DENND4C: variants seen among roughly 807,000 people sequenced by gnomAD.
DENND4C encodes the protein DENN domain-containing protein 4C.
A neutral mutation model predicts 203.0 loss-of-function variants in DENND4C; 108 were observed. That is an observed-to-expected ratio of 0.53 (90% CI 0.46 to 0.62). The LOEUF (loss-of-function observed/expected upper bound fraction) is 0.62. Among genes scored for constraint, DENND4C ranks in the 20% least tolerant of loss-of-function variants. The probability of loss-of-function intolerance (pLI) is 0.00; values close to 1 mark genes in which losing one functional copy is unlikely to be tolerated. For synonymous variants in DENND4C, 871 were observed against 792.4 expected, an observed-to-expected ratio of 1.10 and a Z score of -1.67; for missense variants, 2,481 against 2,301.2, an observed-to-expected ratio of 1.08 and a Z score of -1.60.
intron 19 of DENND4C, 68 bp from the exon 20 acceptor site, chr9:19,336,618 T>G (rs1820532772): frequency 6.8e-7 from 1 of 1,478,112 alleles, no homozygotes; most frequent in Non-Finnish European, 9.0e-7. Flanking sequence ...GAACTGTGGG[T>G]CAATCATGTT....
At chr9:19,341,347 C>G (rs1426840121) in intron 21 of DENND4C, among the ~76,000 whole-genome samples, 4 of 139,182 alleles carry the variant, frequency 2.9e-5, no homozygotes, top group Non-Finnish European at 4.5e-5. Flanking sequence ...GGGTCTTGCT[C>G]TCTCGCCCAG....
In DENND4C at chr9:19,276,296, C is replaced by T; in HGVS notation, c.122C>T (p.Ala41Val). 8.1e-7 allele frequency: 1 copy of T among 1,231,908 alleles called. No homozygotes were observed. The allele number at this position is 1,231,908 out of a possible 1,614,324, so 76.3% of individuals were successfully genotyped here. The change falls in exon 2 of 33, where the codon GCT becomes GTT. Residue 41 changes from alanine to valine, a missense_variant. Coordinates refer to ENST00000434457, the MANE Select transcript of DENND4C (RefSeq NM_001330640.2). ...RLDTKSTGPK[A>V]PITDIAIIIK... The stretch of plus-strand genomic sequence containing the variant: ...GATACTAAGTCAACTGGACCTAAAG[C>T]TCCAATTACAGACATTGCCATTATT...
At position 19,292,844 on chromosome 9, in the gene DENND4C, C is replaced by A. The variant is rs530363514; in HGVS notation, c.801+1968C>A. Among the ~76,000 whole-genome samples the A allele has an allele frequency of 2.0e-5, 3 of 152,112 alleles. No individual in the cohort carries two copies. The East Asian group carries it at 5.8e-4, about 29-fold the overall frequency. On this transcript the variant is annotated intron_variant, in intron 5 of 32. Transcript: ENST00000434457. The stretch of plus-strand genomic sequence containing the variant: ...TACAGGTGTCAGCCAATGCGCCCAG[C>A]AAAAATTGAAAACTTTCTAAGGAAA...
chr9:19,320,309 C>A (rs1181414100), intron 12 of DENND4C, among the ~76,000 whole-genome samples: 2 of 152,014 alleles, frequency 1.3e-5, no homozygotes, highest in African/African-American at 4.8e-5. Context: ...AGTGATTCTC[C>A]CGCCTCAGCC....
At chr9:19,250,248 G>A (rs1436890285) in intron 1 of DENND4C, among the ~76,000 whole-genome samples, 1 of 152,054 alleles carries the variant, frequency 6.6e-6, no homozygotes, top group Non-Finnish European at 1.5e-5. Context: ...TTCAGGACCA[G>A]CCTGACCAAT....
chr9:19,236,625 G>C (rs997293753), intron 1 of DENND4C, among the ~76,000 whole-genome samples: 4 of 152,172 alleles, frequency 2.6e-5, no homozygotes, highest in African/African-American at 9.7e-5. Context: ...TGAGACCGCA[G>C]GTTCATCATC....
chr9:19,301,015 C>T (rs1467631323), intron 9 of DENND4C, among the ~76,000 whole-genome samples: 1 of 152,002 alleles, frequency 6.6e-6, no homozygotes, highest in Non-Finnish European at 1.5e-5. Flanking sequence ...CCCTGCTCTA[C>T]TAAAAACACA....
chr9:19,312,290 A>G (rs1036526651), intron 10 of DENND4C, among the ~76,000 whole-genome samples: 1 of 151,950 alleles, frequency 6.6e-6, no homozygotes, highest in African/African-American at 2.4e-5. Context: ...TTTTGTAGAG[A>G]TGGGGTTTCA....
At chr9:19,250,717 AG>A (rs1325471833) in intron 1 of DENND4C, among the ~76,000 whole-genome samples, 1 of 152,212 alleles carries the variant, frequency 6.6e-6, no homozygotes, top group East Asian at 1.9e-4. Context: ...GCCAAAATGA[AG>A]GGGCTACAGG....
intron 22 of DENND4C, among the ~76,000 whole-genome samples, chr9:19,345,071 G>A (rs1354429390): frequency 6.6e-6 from 1 of 152,184 alleles, no homozygotes; most frequent in Non-Finnish European, 1.5e-5. Flanking sequence ...TGAGGGTTAG[G>A]ATTTTAGCAT....
rs76734367 is a variant in DENND4C, at chr9:19,341,301, T to G, written c.3004+187T>G. ...TGAAGTTTTAAAATTTAAGAGAACT[T>G]TCTTTCTTTCTTTTTTTTTTTTTTT... On this transcript the variant is annotated intron_variant, in intron 21 of 32. Coordinates refer to ENST00000434457, the MANE Select transcript of DENND4C (RefSeq NM_001330640.2). Among the ~76,000 whole-genome samples the G allele has an allele frequency of 2.1e-5, 3 of 145,384 alleles. No individual in the cohort carries two copies. In the Admixed American group the frequency reaches 2.1e-4, roughly 10 times the overall value.
At chr9:19,370,289 C>G (rs1165427125) in intron 31 of DENND4C, among the ~76,000 whole-genome samples, 1 of 151,952 alleles carries the variant, frequency 6.6e-6, no homozygotes, top group Non-Finnish European at 1.5e-5. Flanking sequence ...TAGCAAGACC[C>G]CATCTCTACA....
intron 10 of DENND4C, among the ~76,000 whole-genome samples, chr9:19,307,036 G>A (rs1839822359): frequency 6.6e-6 from 1 of 151,960 alleles, no homozygotes; most frequent in Non-Finnish European, 1.5e-5. Flanking sequence ...CACCCACCTT[G>A]GCCTCCCAAA....
At chr9:19,289,548 G>T (rs1408137290) in intron 4 of DENND4C, among the ~76,000 whole-genome samples, 3 of 152,058 alleles carry the variant, frequency 2.0e-5, no homozygotes, top group Non-Finnish European at 4.4e-5. Flanking sequence ...GATACTGTAG[G>T]CTGGGCATGG....
intron 6 of DENND4C, among the ~76,000 whole-genome samples, chr9:19,296,644 A>G (rs986872542): frequency 6.6e-6 from 1 of 151,986 alleles, no homozygotes; most frequent in Non-Finnish European, 1.5e-5. Context: ...TGAGCCACCA[A>G]CTTTTTACTT....
intron 1 of DENND4C, among the ~76,000 whole-genome samples, chr9:19,264,765 T>A (rs1273765166): frequency 6.6e-6 from 1 of 152,106 alleles, no homozygotes; most frequent in Non-Finnish European, 1.5e-5. Flanking sequence ...TTTCCTTTCA[T>A]CTTTTGTGTT....
intron 30 of DENND4C, among the ~76,000 whole-genome samples, chr9:19,365,119 A>G (rs1827366032): frequency 6.6e-6 from 1 of 152,234 alleles, no homozygotes; most frequent in Non-Finnish European, 1.5e-5. Flanking sequence ...ATTAAAAATC[A>G]GTATCATTTA....
At chr9:19,303,369 C>A (rs962221878) in intron 9 of DENND4C, among the ~76,000 whole-genome samples, 1 of 152,292 alleles carries the variant, frequency 6.6e-6, no homozygotes, top group Non-Finnish European at 1.5e-5. Context: ...CCTGCCAAAT[C>A]CTGCCTGCCA....
At chr9:19,343,217 G>A (rs1822055942) in intron 22 of DENND4C, among the ~76,000 whole-genome samples, 1 of 152,124 alleles carries the variant, frequency 6.6e-6, no homozygotes, top group Non-Finnish European at 1.5e-5. Flanking sequence ...TATGCCAGTG[G>A]ATCTTTGATT....
Sources: allele counts gnomAD v4.1 joint callset (sites outside exome capture counted in the v4.1 genomes callset), GRCh38; gene constraint gnomAD v4.1.1; transcripts MANE v1.5; gene names NCBI Gene and HGNC (gene_info 2026-07-23, HGNC 2026-07-21).